Variants in NPAS2 observed in about 807,000 individuals in gnomAD.
NPAS2 encodes the protein neuronal PAS domain protein 2.
NPAS2 carries 23 observed loss-of-function variants against 107.5 expected under a neutral mutation model. The ratio of observed to expected loss-of-function variants is 0.21; its 90% CI spans 0.15 to 0.30. The LOEUF is 0.30. NPAS2 is among the 10% of genes least tolerant of loss of function. The pLI, the probability that NPAS2 is intolerant of heterozygous loss-of-function variation, is 1.00. For synonymous variants in NPAS2, 403 were observed against 417.5 expected (o/e 0.97, Z 0.42); for missense variants, 756 against 1,043.3 (o/e 0.72, Z 3.79).
At chr2:100,944,602 A>G (rs1190830709) in intron 5 of NPAS2, among the ~76,000 whole-genome samples, 1 of 152,238 alleles carries the variant, frequency 6.6e-6, no homozygotes, top group East Asian at 1.9e-4. Context: ...TCTCACCTGT[A>G]AGCACTAGGG....
At chr2:100,873,188 G>A (rs1432249766) in intron 1 of NPAS2, among the ~76,000 whole-genome samples, 1 of 144,122 alleles carries the variant, frequency 6.9e-6, no homozygotes, top group African/African-American at 2.6e-5. Flanking sequence ...GGAGGCGGAG[G>A]TTGCAGCGAG....
At chr2:100,971,130 GC>G in intron 12 of NPAS2, 56 bp downstream of exon 12, 20 of 1,514,094 alleles carry the variant, frequency 1.3e-5, no homozygotes, top group Non-Finnish European at 1.8e-5. Context: ...AGAAAATGCA[GC>G]CAACCAGTCT....
intron 5 of NPAS2, among the ~76,000 whole-genome samples, chr2:100,945,044 A>G (rs1198031231): frequency 6.6e-6 from 1 of 152,224 alleles, no homozygotes; most frequent in East Asian, 1.9e-4. Flanking sequence ...GTCATCTTCT[A>G]AAAAAACTAG....
At chr2:100,973,226 T>C (rs1447191957) in intron 12 of NPAS2, among the ~76,000 whole-genome samples, 1 of 151,776 alleles carries the variant, frequency 6.6e-6, no homozygotes, top group African/African-American at 2.4e-5. Flanking sequence ...GGTTAAGAAA[T>C]CCCTTTAAAG....
chr2:100,964,049 A>AC lies in NPAS2; in HGVS notation c.599-3dup, dbSNP rs908812255. 1.1e-5 allele frequency: 18 copies of AC among 1,590,676 alleles called. No individual in the cohort carries two copies. Among genetic ancestry groups the AC allele is most frequent in the African/African-American group, 1.3e-5 (1 of 74,288 alleles). Reference sequence around the variant, plus strand: ...TAACCTATGTGTCCTCTTCTTCCCAACCCCCCAGTGCCTAGCCCCTCCTGT... The same window carrying AC: ...TAACCTATGTGTCCTCTTCTTCCCAACCCCCCCAGTGCCTAGCCCCTCCTGT... On this transcript the variant is annotated splice_polypyrimidine_tract_variant and intron_variant, in intron 7 of 20. Coordinates refer to ENST00000335681, the MANE Select transcript of NPAS2 (RefSeq NM_002518.4).
Position 100,949,417 on chromosome 2 carries a change from C to G in NPAS2, c.535C>G (p.Pro179Ala). 1 of 1,613,896 alleles carries G rather than the reference C, an allele frequency of 6.2e-7. No individual in the cohort carries two copies. Among genetic ancestry groups the G allele is most frequent in the Non-Finnish European group, 8.5e-7 (1 of 1,179,804 alleles). ...YCHLLRGSLN[P>A]KEFPTYEYIK... The stretch of plus-strand genomic sequence containing the variant: ...CCATCTTCTCAGAGGCAGCTTGAAC[C>G]CAAAGGAATTTCCAACTTATGAATA... The change falls in exon 7 of 21, where the codon CCA becomes GCA. Residue 179 changes from proline to alanine, a missense_variant. By Grantham distance (27) the Pro-to-Ala change is conservative. Transcript: ENST00000335681.
chr2:100,943,499 T>C (rs1674706928), intron 5 of NPAS2, among the ~76,000 whole-genome samples: 1 of 152,220 alleles, frequency 6.6e-6, no homozygotes, highest in Admixed American at 6.5e-5. Flanking sequence ...TGCGGATGTC[T>C]GAAGACTCCA....
At chr2:100,832,715 CAA>C (rs201508147) in intron 1 of NPAS2, among the ~76,000 whole-genome samples, 1,436 of 101,426 alleles carry the variant, frequency 0.014, 25 homozygotes, top group African/African-American at 0.061. Flanking sequence ...ACCCAGGAAA[CAA>C]TGGGGGTGCT....
rs372205191 is a variant in NPAS2 at position 100,936,896 on chromosome 2, C to T, written c.274-857C>T. Among the ~76,000 whole-genome samples the T allele has an allele frequency of 6.1e-5, 9 of 148,608 alleles. No individual in the cohort carries two copies. In the South Asian group the frequency reaches 8.7e-4, roughly 14 times the overall value. On this transcript the variant is annotated intron_variant, in intron 4 of 20. Transcript: ENST00000335681. ...ACTCGGGACACTGAAGCAGGAGAATCGCTTGAACCTGGGAAGCAGAGGTGG... is the reference window on the plus strand; with the variant it reads ...ACTCGGGACACTGAAGCAGGAGAATTGCTTGAACCTGGGAAGCAGAGGTGG...
At chr2:100,952,809 A>G (rs1359428010) in intron 7 of NPAS2, among the ~76,000 whole-genome samples, 1 of 147,020 alleles carries the variant, frequency 6.8e-6, no homozygotes, top group Non-Finnish European at 1.5e-5. Context: ...GGGTTGAGAT[A>G]GTGTTTGTTT....
chr2:100,859,758 G>A (rs1678819233), intron 1 of NPAS2, among the ~76,000 whole-genome samples: 2 of 152,190 alleles, frequency 1.3e-5, no homozygotes, highest in African/African-American at 2.4e-5. Flanking sequence ...AGCGGTAAGG[G>A]TGGGTGGGTT....
chr2:100,825,137 G>A (rs896195886), intron 1 of NPAS2, among the ~76,000 whole-genome samples: 11 of 152,186 alleles, frequency 7.2e-5, no homozygotes, highest in Non-Finnish European at 1.5e-5. Flanking sequence ...AGAAAACACA[G>A]GCCCATCTAA....
rs1215269729 is a variant in NPAS2 at position 100,894,040 on chromosome 2, G to A, written c.-22-10693G>A. On this transcript the variant is annotated intron_variant, in intron 1 of 20. Transcript: ENST00000335681. ...ATTAGTCTTCTGTCTCACTGCTGAC[G>A]CACTTGGGACCCAGGGCGGATATGC... 3.3e-5 allele frequency among the ~76,000 whole-genome samples: 5 copies of A among 152,316 alleles called. No homozygotes were observed. The East Asian group carries it at 5.8e-4, about 18-fold the overall frequency.
At chr2:100,825,699 C>G (rs1276586027) in intron 1 of NPAS2, among the ~76,000 whole-genome samples, 1 of 152,140 alleles carries the variant, frequency 6.6e-6, no homozygotes, top group Non-Finnish European at 1.5e-5. Flanking sequence ...CCTGTTCTAG[C>G]CAATAAAATG....
intron 10 of NPAS2, among the ~76,000 whole-genome samples, chr2:100,967,569 C>T (rs1007671462): frequency 1.3e-5 from 2 of 152,138 alleles, no homozygotes; most frequent in African/African-American, 4.8e-5. Context: ...TGAGATTTCT[C>T]TTAACCATTT....
At chr2:100,881,521 A>G (rs908730039) in intron 1 of NPAS2, among the ~76,000 whole-genome samples, 3 of 152,176 alleles carry the variant, frequency 2.0e-5, no homozygotes, top group African/African-American at 4.8e-5. Context: ...CCCCATCTCT[A>G]GTAAAAATAC....
chr2:100,896,728 C>A (rs1681433537), intron 1 of NPAS2, among the ~76,000 whole-genome samples: 1 of 152,180 alleles, frequency 6.6e-6, no homozygotes, highest in Non-Finnish European at 1.5e-5. Context: ...TTGGAGCCAC[C>A]ACGATCATGG....
In NPAS2 at chr2:100,912,248, ATTTATTTATT is replaced by A. The variant is rs1409157502; in HGVS notation, c.32+7463_32+7472del. On this transcript the variant is annotated intron_variant, in intron 2 of 20. Coordinates refer to ENST00000335681, the MANE Select transcript of NPAS2 (RefSeq NM_002518.4). ...TATTTATTTATTTATTTATTTATTT[ATTTATTTATT>A]ATTATTATTTTGCTCAGTTTATAAA... is the stretch of plus-strand genomic sequence containing the variant. 4.7e-4 allele frequency among the ~76,000 whole-genome samples: 55 copies of A among 118,010 alleles called. 1 individual carries two copies. In the East Asian group the frequency reaches 4.7e-3, roughly 10 times the overall value. 77.4% of individuals were successfully genotyped at this position (118,010 alleles called of 152,430 possible).
At chr2:100,832,808 T>G (rs1167868387) in intron 1 of NPAS2, among the ~76,000 whole-genome samples, 1 of 152,198 alleles carries the variant, frequency 6.6e-6, no homozygotes, top group Non-Finnish European at 1.5e-5. Flanking sequence ...AGCTGTGCTG[T>G]GTTTGTGTGA....
Sources: allele counts gnomAD v4.1 joint callset (sites outside exome capture counted in the v4.1 genomes callset), GRCh38; gene constraint gnomAD v4.1.1; transcripts MANE v1.5; gene names NCBI Gene and HGNC (gene_info 2026-07-23, HGNC 2026-07-21).